Variants in LRP1B observed in about 807,000 individuals in gnomAD.
LRP1B encodes the protein low-density lipoprotein receptor-related protein 1B.
Under a neutral mutation model 556.6 loss-of-function variants are expected in LRP1B, and 217 were observed. That is an observed-to-expected ratio of 0.39 (90% CI 0.35 to 0.44). LRP1B has a LOEUF of 0.44. LRP1B is among the 20% of genes least tolerant of loss of function. The pLI is 1.00. For missense variants in LRP1B, 5,053 were observed against 5,620.8 expected, an observed-to-expected ratio of 0.90 and a Z score of 3.23; for synonymous variants, 2,047 against 1,865.8, an observed-to-expected ratio of 1.10 and a Z score of -2.50.
At chr2:140,502,762 T>A (rs1689251250) in intron 54 of LRP1B, among the ~76,000 whole-genome samples, 2 of 152,018 alleles carry the variant, frequency 1.3e-5, no homozygotes, top group African/African-American at 4.8e-5. Flanking sequence ...CCTCAAATCT[T>A]TATATTTTTG....
intron 1 of LRP1B, among the ~76,000 whole-genome samples, chr2:142,020,063 C>T (rs562939151): frequency 4.6e-4 from 70 of 152,018 alleles, no homozygotes; most frequent in Non-Finnish European, 8.7e-4. Flanking sequence ...AATGTAATCT[C>T]CAAGAAAGAA....
rs567412685 is a variant in LRP1B at position 141,934,237 on chromosome 2, T to C, written c.83-123836A>G. ...GGAATCATAGAGTCTAGTAAAAAAA[T>C]AGAAAAAGATGGAAAACAGAGAAAA... On this transcript the variant is annotated intron_variant, in intron 1 of 90. Coordinates refer to ENST00000389484, the MANE Select transcript of LRP1B (RefSeq NM_018557.3). Among the ~76,000 whole-genome samples, 177 of 151,730 alleles carry C rather than the reference T, an allele frequency of 1.2e-3. 2 individuals carry two copies. In the South Asian group the frequency reaches 0.036, roughly 30 times the overall value.
In LRP1B at chr2:141,795,853, G is replaced by C. The variant is rs1162345390; in HGVS notation, c.205+14426C>G. On this transcript the variant is annotated intron_variant, in intron 2 of 90. Transcript: ENST00000389484. ...TCAAGAAATAGAGAATGAAAACCAG[G>C]AGCAATATATATATATATATATATA... Among the ~76,000 whole-genome samples, 3 of 53,484 alleles carry C rather than the reference G, an allele frequency of 5.6e-5. 1 individual carries two copies. Among genetic ancestry groups the C allele is most frequent in the African/African-American group, 2.0e-4 (3 of 14,946 alleles). 35.1% of individuals were successfully genotyped at this position (53,484 alleles called of 152,430 possible). A position where few individuals can be genotyped will look rare whatever the true frequency, so the allele number is the denominator to read the frequency against.
chr2:140,685,658 G>A (rs188470400), intron 41 of LRP1B, among the ~76,000 whole-genome samples: 1 of 152,110 alleles, frequency 6.6e-6, no homozygotes, highest in Admixed American at 6.5e-5. Flanking sequence ...TCAAAGAATT[G>A]CTTTTACTCT....
chr2:141,294,069 T>C (rs1427899729), intron 3 of LRP1B, among the ~76,000 whole-genome samples: 1 of 152,122 alleles, frequency 6.6e-6, no homozygotes, highest in Non-Finnish European at 1.5e-5. Flanking sequence ...AATTATGTTA[T>C]ATTTAGAAGT....
intron 60 of LRP1B, among the ~76,000 whole-genome samples, chr2:140,459,962 A>G (rs1304748592): frequency 1.3e-5 from 2 of 152,112 alleles, no homozygotes; most frequent in East Asian, 1.9e-4. Context: ...TTCCCCAGCC[A>G]TGTCTCCTGT....
At chr2:140,259,886 G>C (rs1681857101) in intron 86 of LRP1B, among the ~76,000 whole-genome samples, 1 of 151,908 alleles carries the variant, frequency 6.6e-6, no homozygotes, top group Non-Finnish European at 1.5e-5. Context: ...GAATATCATA[G>C]AGTAATGTGA....
At position 140,694,758 on chromosome 2, in the gene LRP1B, C is replaced by T. The variant is rs148956366; in HGVS notation, c.6799+5492G>A. 4.0e-3 allele frequency among the ~76,000 whole-genome samples: 616 copies of T among 152,132 alleles called. 4 individuals are homozygous for T. The highest frequency in any genetic ancestry group is 0.013 in the African/African-American group (540 of 41,526). On this transcript the variant is annotated intron_variant, in intron 41 of 90. Transcript: ENST00000389484. ...TTCTCATGTTTTTTGTATCTTACTG[C>T]CTCTAACATTAATTAATTTCTTATT...
chr2:141,201,791 TG>T (rs2105227265), intron 6 of LRP1B, among the ~76,000 whole-genome samples: 1 of 152,266 alleles, frequency 6.6e-6, no homozygotes, highest in East Asian at 1.9e-4. Flanking sequence ...GATTCTGGAC[TG>T]AATACTTTTA....
intron 7 of LRP1B, among the ~76,000 whole-genome samples, chr2:141,126,889 A>C (rs1701228235): frequency 6.6e-6 from 1 of 152,102 alleles, no homozygotes; most frequent in African/African-American, 2.4e-5. Flanking sequence ...TTATACTTTA[A>C]GTTCTAGGAT....
chr2:140,786,693 C>A (rs759837837), intron 32 of LRP1B, among the ~76,000 whole-genome samples: 6 of 152,100 alleles, frequency 3.9e-5, no homozygotes, highest in Admixed American at 6.6e-5. Flanking sequence ...TGCTTTCAAG[C>A]CTTTGTGACC....
At chr2:141,995,550 A>G (rs1702467490) in intron 1 of LRP1B, among the ~76,000 whole-genome samples, 1 of 152,102 alleles carries the variant, frequency 6.6e-6, no homozygotes, top group Non-Finnish European at 1.5e-5. Flanking sequence ...TTACCTTTTA[A>G]TTCACATACT....
intron 32 of LRP1B, among the ~76,000 whole-genome samples, chr2:140,791,080 C>T (rs1019658449): frequency 9.2e-5 from 14 of 151,788 alleles, no homozygotes; most frequent in African/African-American, 2.9e-4. Flanking sequence ...ATGGTGAAAC[C>T]CTATCTCTAC....
chr2:140,303,728 A>G (rs1683942105), intron 83 of LRP1B, among the ~76,000 whole-genome samples: 1 of 152,116 alleles, frequency 6.6e-6, no homozygotes, highest in African/African-American at 2.4e-5. Context: ...TTACATAGGT[A>G]TACATGTGCC....
At chr2:142,077,334 T>C (rs931748885) in intron 1 of LRP1B, among the ~76,000 whole-genome samples, 1 of 152,124 alleles carries the variant, frequency 6.6e-6, no homozygotes, top group African/African-American at 2.4e-5. Context: ...ATTCATTCTT[T>C]GCATTGCTGA....
At chr2:140,844,747 C>CAA (rs1692223825) in intron 29 of LRP1B, among the ~76,000 whole-genome samples, 1 of 152,052 alleles carries the variant, frequency 6.6e-6, no homozygotes, top group East Asian at 1.9e-4. Context: ...TCCTTTATTG[C>CAA]CACAACACTG....
At chr2:140,661,705 G>C (rs1685099915) in intron 41 of LRP1B, among the ~76,000 whole-genome samples, 1 of 152,108 alleles carries the variant, frequency 6.6e-6, no homozygotes, top group African/African-American at 2.4e-5. Context: ...TAAATCCCAT[G>C]AGTGAGCAAT....
rs561098275 is a variant in LRP1B, at chr2:141,034,976, G to C, written c.1789+14010C>G. ...CCAACCCAAATGTCCAACAATGATAGACTGGATTAAGAAAATGTGGCACAT... is the reference window on the plus strand; with the variant it reads ...CCAACCCAAATGTCCAACAATGATACACTGGATTAAGAAAATGTGGCACAT... On this transcript the variant is annotated intron_variant, in intron 11 of 90. Transcript: ENST00000389484. Among the ~76,000 whole-genome samples the C allele has an allele frequency of 3.1e-3, 468 of 152,040 alleles. 4 individuals are homozygous for C. Among genetic ancestry groups the C allele is most frequent in the African/African-American group, 0.011 (455 of 41,462 alleles).
At chr2:141,796,498 AG>A (rs1300238676) in intron 2 of LRP1B, among the ~76,000 whole-genome samples, 1 of 151,906 alleles carries the variant, frequency 6.6e-6, no homozygotes, top group Non-Finnish European at 1.5e-5. Flanking sequence ...AAAAAAAACT[AG>A]GACCAGTATG....
Sources: gnomAD v4.1 joint callset for allele counts (sites outside exome capture counted in the v4.1 genomes callset) on GRCh38, gnomAD v4.1.1 for gene constraint, MANE v1.5 for transcripts, NCBI Gene and HGNC (gene_info 2026-07-23, HGNC 2026-07-21) for gene names.